Variants in COL27A1 observed in about 807,000 individuals in gnomAD.
COL27A1 encodes the protein collagen type XXVII alpha 1 chain, also known as collagen alpha-1(XXVII) chain.
In COL27A1, 106 loss-of-function variants were observed where a neutral mutation model predicts 251.3. That is an observed-to-expected ratio of 0.42 (90% CI 0.36 to 0.50). The LOEUF is 0.50. COL27A1 is among the 20% of genes least tolerant of loss of function. COL27A1 has a pLI of 0.00. For synonymous variants in COL27A1, 1,000 were observed against 986.3 expected, an observed-to-expected ratio of 1.01 and a Z score of -0.26; for missense variants, 2,325 against 2,522.8, an observed-to-expected ratio of 0.92 and a Z score of 1.68.
chr9:114,194,287 G>A, intron 5 of COL27A1, 117 bp from the exon 6 acceptor site: 2 of 936,198 alleles, frequency 2.1e-6, no homozygotes, highest in Non-Finnish European at 3.5e-6. Context: ...TGTGTGAGTG[G>A]GAGGATGGAT....
intron 5 of COL27A1, among the ~76,000 whole-genome samples, chr9:114,192,524 G>A (rs538888097): frequency 6.6e-6 from 1 of 152,282 alleles, no homozygotes; most frequent in East Asian, 1.9e-4. Flanking sequence ...GGGACCTTCA[G>A]CCTGGGGTTG....
At chr9:114,245,938 TG>T in intron 24 of COL27A1, 28 bp downstream of exon 24, 4 of 1,606,398 alleles carry the variant, frequency 2.5e-6, no homozygotes, top group Non-Finnish European at 3.4e-6. Flanking sequence ...TCTGAATGAG[TG>T]GCTCCATTTA....
chr9:114,270,280 T>C (rs890756590), intron 35 of COL27A1, among the ~76,000 whole-genome samples: 1 of 152,218 alleles, frequency 6.6e-6, no homozygotes. Flanking sequence ...AGTAGTTTGC[T>C]TGCGGTCAAA....
intron 48 of COL27A1, among the ~76,000 whole-genome samples, chr9:114,291,413 A>C (rs777092502): frequency 2.0e-5 from 3 of 152,156 alleles, no homozygotes; most frequent in Non-Finnish European, 4.4e-5. Flanking sequence ...CAGGAGGCGG[A>C]GGGAGCGATG....
chr9:114,302,004 T>C, intron 55 of COL27A1, 78 bp from the exon 56 acceptor site: 1 of 1,380,562 alleles, frequency 7.2e-7, no homozygotes, highest in Non-Finnish European at 1.0e-6. Flanking sequence ...TTTGATGGTC[T>C]CCCTGGTCTC....
chr9:114,283,647 A>G, intron 39 of COL27A1, 62 bp from the exon 40 acceptor site: 1 of 1,490,086 alleles, frequency 6.7e-7, no homozygotes, highest in Non-Finnish European at 9.3e-7. Flanking sequence ...CTGCAGGGAG[A>G]CTGCTGTGTC....
At position 114,265,428 on chromosome 9, in the gene COL27A1, C is replaced by T; in HGVS notation, c.3346C>T (p.Pro1116Ser). ...HLGSRGFPGIPGPSGPPGTKG... is the reference protein window; with the variant it reads ...HLGSRGFPGISGPSGPPGTKG... Reference sequence around the variant, plus strand: ...CTTTACCTTGTCTCTGCAGGGCATCCCGGGTCCCTCAGGCCCCCCAGGCAC... The same window carrying T: ...CTTTACCTTGTCTCTGCAGGGCATCTCGGGTCCCTCAGGCCCCCCAGGCAC... Residue 1116 changes from proline to serine, a missense_variant, in exon 32 of 61, where the codon CCG (proline) becomes TCG (serine). This residue lies in a region of COL27A1 where 662 missense variants were observed against 795.3 expected (regional missense o/e 0.83). Transcript: ENST00000356083. The T allele has an allele frequency of 6.2e-7, 1 of 1,613,810 alleles. No homozygotes were observed. The highest frequency in any genetic ancestry group is 8.5e-7 in the Non-Finnish European group (1 of 1,179,920).
At position 114,168,153 on chromosome 9, in the gene COL27A1, G is replaced by A. The variant is rs1201367707; in HGVS notation, c.598G>A (p.Gly200Arg). 1.9e-6 allele frequency: 3 copies of A among 1,613,320 alleles called. No homozygotes were observed. Among genetic ancestry groups the A allele is most frequent in the African/African-American group, 2.7e-5 (2 of 74,922 alleles). The change falls in exon 3 of 61, where the codon GGG becomes AGG. Residue 200 changes from glycine to arginine, a missense_variant. By Grantham distance (125) the Gly-to-Arg change is moderately radical. This residue lies in a region of COL27A1 where 1,183 missense variants were observed against 1,144.1 expected (regional missense o/e 1.03). Transcript: ENST00000356083. The stretch of plus-strand genomic sequence containing the variant: ...CGACCCTGGGGGCTCCTTCCTCTTT[G>A]GGAAGATGAACCCGCATGCAGTCCA... ...ALDPGGSFLFGKMNPHAVQFE... is the reference protein window; with the variant it reads ...ALDPGGSFLFRKMNPHAVQFE...
chr9:114,300,667 C>T lies in COL27A1; in HGVS notation c.4681C>T (p.Arg1561Trp), dbSNP rs780973056. 15 of 1,514,794 alleles carry T rather than the reference C, an allele frequency of 9.9e-6. No homozygotes were observed. In the East Asian group the frequency reaches 1.9e-4, roughly 20 times the overall value. The allele number at this position is 1,514,794 out of a possible 1,614,324, so 93.8% of individuals were successfully genotyped here. A position where few individuals can be genotyped will look rare whatever the true frequency, so the allele number is the denominator to read the frequency against. ...TGGCTTCAAAGGCATCCAGGGCCCT[C>T]GGGGGCCACCTGGCTTGATGGTGAG... Reference protein sequence around the residue: ...DIGFKGIQGPRGPPGLMGKEG... With the variant: ...DIGFKGIQGPWGPPGLMGKEG... The change falls in exon 51 of 61, where the codon CGG becomes TGG. Residue 1561 changes from arginine (R) to tryptophan (W), a missense_variant. This residue lies in a region of COL27A1 where 327 missense variants were observed against 442.8 expected (regional missense o/e 0.74). Transcript: ENST00000356083.
intron 14 of COL27A1, among the ~76,000 whole-genome samples, chr9:114,223,480 G>A (rs1052901430): frequency 6.6e-6 from 1 of 152,110 alleles, no homozygotes; most frequent in Non-Finnish European, 1.5e-5. Flanking sequence ...ACCTGGGTGG[G>A]GTGGGCAGGA....
chr9:114,188,750 A>G (rs1828554585), intron 5 of COL27A1, among the ~76,000 whole-genome samples: 1 of 152,234 alleles, frequency 6.6e-6, no homozygotes, highest in South Asian at 2.1e-4. Flanking sequence ...AAACTGATTT[A>G]TGCTGCTGCT....
chr9:114,306,294 T>C (rs1366023860), intron 57 of COL27A1: 2 of 517,040 alleles, frequency 3.9e-6, no homozygotes, highest in Admixed American at 3.3e-5. Flanking sequence ...GGTCTGACCC[T>C]GAGCTCTTTT....
At chr9:114,215,111 AC>A (rs1230885770) in intron 12 of COL27A1, among the ~76,000 whole-genome samples, 3 of 152,252 alleles carry the variant, frequency 2.0e-5, no homozygotes, top group Admixed American at 6.5e-5. Context: ...CGGAGGGAAG[AC>A]CCTAAAGCTT....
At chr9:114,237,079 A>C in intron 18 of COL27A1, 45 bp downstream of exon 18, 3 of 1,526,464 alleles carry the variant, frequency 2.0e-6, no homozygotes, top group Non-Finnish European at 2.7e-6. Context: ...ACACTCTCCA[A>C]CTGATCGTGT....
At chr9:114,271,343 C>G (rs894883711) in intron 36 of COL27A1, 1 of 155,932 alleles carries the variant, frequency 6.4e-6, no homozygotes, top group Non-Finnish European at 1.4e-5. Context: ...ACATCCAGGA[C>G]CCAAATCTGG....
At chr9:114,250,327 G>A (rs915571510) in intron 24 of COL27A1, among the ~76,000 whole-genome samples, 4 of 152,346 alleles carry the variant, frequency 2.6e-5, no homozygotes, top group African/African-American at 7.2e-5. Flanking sequence ...CTCTCCAAAC[G>A]TGGCAGCCTC....
intron 19 of COL27A1, among the ~76,000 whole-genome samples, chr9:114,238,158 G>T (rs1254872918): frequency 6.6e-6 from 1 of 152,164 alleles, no homozygotes; most frequent in Non-Finnish European, 1.5e-5. Context: ...CAAAATTCGG[G>T]CTTTTGAATG....
At position 114,312,225 on chromosome 9, in the gene COL27A1, A is replaced by G. The variant is rs974851823; in HGVS notation, c.*1530A>G. The G allele has an allele frequency of 1.3e-5, 2 of 152,060 alleles. No individual in the cohort carries two copies. Among genetic ancestry groups the G allele is most frequent in the African/African-American group, 4.8e-5 (2 of 41,368 alleles). 9.4% of individuals were successfully genotyped at this position (152,060 alleles called of 1,614,324 possible). On this transcript the variant is annotated 3_prime_UTR_variant, in exon 61 of 61. Transcript: ENST00000356083. ...TTGGATTTGATTTTTATTATTTAAT[A>G]CCTCACTTTGGCCCGTCCCCCCTCC...
chr9:114,309,394 G>A lies in COL27A1; in HGVS notation c.5352G>A (p.Gln1784=), dbSNP rs543464789. The part of the protein sequence containing the change: ...QEGTGQTPAK[Q]AVRFRAWNGQ... ...GCACTGGGCAGACCCCAGCCAAGCAGGCCGTACGCTTCCGGGCCTGGAATG... is the reference window on the plus strand; with the variant it reads ...GCACTGGGCAGACCCCAGCCAAGCAAGCCGTACGCTTCCGGGCCTGGAATG... The change falls in exon 60 of 61, where the codon CAG becomes CAA. Residue 1784 remains glutamine, a synonymous_variant. Transcript: ENST00000356083. The A allele has an allele frequency of 6.2e-7, 1 of 1,614,118 alleles. No homozygotes were observed. Among genetic ancestry groups the A allele is most frequent in the Non-Finnish European group, 8.5e-7 (1 of 1,180,024 alleles).
Sources: gnomAD v4.1 joint callset for allele counts (sites outside exome capture counted in the v4.1 genomes callset) on GRCh38, gnomAD v4.1.1 for gene constraint, gnomAD v4.1.1 regional missense constraint, MANE v1.5 for transcripts, NCBI Gene and HGNC (gene_info 2026-07-23, HGNC 2026-07-21) for gene names.